The following CSMD3 variants were observed in gnomAD, a reference collection of about 807,000 sequenced individuals.
CSMD3 encodes the protein CUB and Sushi multiple domains 3.
Under a neutral mutation model 435.2 loss-of-function variants are expected in CSMD3, and 177 were observed. The observed-to-expected ratio is 0.41, with a 90% CI of 0.36 to 0.46. The LOEUF is 0.46. Ranked by LOEUF, CSMD3 falls within the 20% of genes least tolerant of loss-of-function variation. The pLI is 0.34. For missense variants in CSMD3, 4,265 were observed against 4,504.6 expected, an observed-to-expected ratio of 0.95 and a Z score of 1.52; for synonymous variants, 1,656 against 1,520.5, an observed-to-expected ratio of 1.09 and a Z score of -2.07.
At chr8:112,609,501 A>C (rs903244102) in intron 22 of CSMD3, among the ~76,000 whole-genome samples, 3 of 152,108 alleles carry the variant, frequency 2.0e-5, no homozygotes, top group Non-Finnish European at 2.9e-5. Flanking sequence ...TATTGTAATA[A>C]AGAAAAAAGA....
intron 32 of CSMD3, 84 bp from the exon 33 acceptor site, chr8:112,409,116 G>C: frequency 1.3e-6 from 2 of 1,594,970 alleles, no homozygotes; most frequent in East Asian, 2.3e-5. Flanking sequence ...GAAAGAGGAG[G>C]AGAGAGAGAA....
chr8:112,405,250 T>TATATATATACAC, intron 35 of CSMD3, among the ~76,000 whole-genome samples: 1 of 109,934 alleles, frequency 9.1e-6, no homozygotes, highest in Non-Finnish European at 1.8e-5. Flanking sequence ...TATATATACA[T>TATATATATACAC]ATATATATAC....
intron 27 of CSMD3, among the ~76,000 whole-genome samples, chr8:112,542,706 G>GA (rs528491548): frequency 4.0e-5 from 6 of 151,128 alleles, no homozygotes; most frequent in Non-Finnish European, 7.4e-5. Context: ...ATTGTAAATA[G>GA]AAAAAAAAAT....
chr8:113,041,557 T>C (rs2087617003), intron 5 of CSMD3, among the ~76,000 whole-genome samples: 1 of 152,230 alleles, frequency 6.6e-6, no homozygotes, highest in Non-Finnish European at 1.5e-5. Context: ...TCACCATCAG[T>C]TCCAATCTAA....
chr8:113,195,558 T>G (rs2092641892), intron 3 of CSMD3, among the ~76,000 whole-genome samples: 1 of 150,656 alleles, frequency 6.6e-6, no homozygotes, highest in Non-Finnish European at 1.5e-5. Flanking sequence ...GCTCTGTATT[T>G]TTATTTGCTA....
chr8:112,585,469 T>C (rs1188014643), intron 23 of CSMD3, among the ~76,000 whole-genome samples: 1 of 151,438 alleles, frequency 6.6e-6, no homozygotes, highest in African/African-American at 2.4e-5. Flanking sequence ...TTGTCACTTA[T>C]GACTGAAGCT....
At chr8:113,410,988 AAAAGAAAG>A (rs376528952) in intron 1 of CSMD3, among the ~76,000 whole-genome samples, 1 of 150,550 alleles carries the variant, frequency 6.6e-6, no homozygotes, top group African/African-American at 2.4e-5. Flanking sequence ...GGAAGGAAGG[AAAAGAAAG>A]AAAGAAAGAA....
chr8:112,403,843 A>G (rs1327162050), intron 35 of CSMD3, among the ~76,000 whole-genome samples: 2 of 152,166 alleles, frequency 1.3e-5, no homozygotes, highest in Non-Finnish European at 1.5e-5. Flanking sequence ...AATTATAAAT[A>G]TCAGAAATCA....
intron 4 of CSMD3, among the ~76,000 whole-genome samples, chr8:113,115,652 C>A (rs2090800787): frequency 6.6e-6 from 1 of 152,144 alleles, no homozygotes; most frequent in Non-Finnish European, 1.5e-5. Flanking sequence ...CACTGTTTGA[C>A]AGTGGTACGT....
In CSMD3 at chr8:112,271,120, T is replaced by G. The variant is rs575633300; in HGVS notation, c.9509-5530A>C. On this transcript the variant is annotated intron_variant, in intron 59 of 70. Transcript: ENST00000297405. The stretch of plus-strand genomic sequence containing the variant: ...GTACAAGATTCAACGAGCACTCTTG[T>G]TCACTTGCTTTGACTCATCACATTA... 1.1e-3 allele frequency among the ~76,000 whole-genome samples: 174 copies of G among 152,272 alleles called. 1 individual carries two copies. The highest frequency in any genetic ancestry group is 4.3e-3 in the Admixed American group (66 of 15,296).
intron 12 of CSMD3, among the ~76,000 whole-genome samples, chr8:112,829,224 A>G (rs570074577): frequency 2.0e-5 from 3 of 152,144 alleles, no homozygotes; most frequent in Non-Finnish European, 4.4e-5. Flanking sequence ...AGATTGATAA[A>G]TTCACATCCT....
At chr8:113,035,131 C>T (rs1338683175) in intron 5 of CSMD3, among the ~76,000 whole-genome samples, 1 of 151,644 alleles carries the variant, frequency 6.6e-6, no homozygotes, top group Non-Finnish European at 1.5e-5. Context: ...GAGCTCAAAG[C>T]AATGAAATTG....
At chr8:112,993,580 A>G (rs1261004434) in intron 6 of CSMD3, among the ~76,000 whole-genome samples, 1 of 151,884 alleles carries the variant, frequency 6.6e-6, no homozygotes, top group Non-Finnish European at 1.5e-5. Flanking sequence ...ATAAAGATAA[A>G]AATCATATAA....
At chr8:112,639,152 A>T (rs1260661359) in intron 20 of CSMD3, among the ~76,000 whole-genome samples, 1 of 152,056 alleles carries the variant, frequency 6.6e-6, no homozygotes, top group Non-Finnish European at 1.5e-5. Context: ...ATACAATTTA[A>T]AAATCAGTGC....
chr8:112,700,882 A>G (rs546156400), intron 13 of CSMD3, among the ~76,000 whole-genome samples: 1 of 152,288 alleles, frequency 6.6e-6, no homozygotes, highest in East Asian at 1.9e-4. Flanking sequence ...AGAGATGGGA[A>G]GGAGACCAGT....
intron 1 of CSMD3, among the ~76,000 whole-genome samples, chr8:113,339,926 A>G (rs1391016465): frequency 1.3e-5 from 2 of 152,054 alleles, no homozygotes; most frequent in African/African-American, 4.8e-5. Flanking sequence ...AGATTCATTC[A>G]GCTATTTGTA....
intron 10 of CSMD3, among the ~76,000 whole-genome samples, chr8:112,886,745 C>A (rs2081609199): frequency 6.6e-6 from 1 of 151,456 alleles, no homozygotes; most frequent in Admixed American, 6.6e-5. Flanking sequence ...TGAGGATGCT[C>A]AAGTTCCTTA....
rs546923727 is a variant in CSMD3, at chr8:112,864,412, T to C, written c.1634-5146A>G. On this transcript the variant is annotated intron_variant, in intron 10 of 70. Coordinates refer to ENST00000297405, the MANE Select transcript of CSMD3 (RefSeq NM_198123.2). ...TACAGGTGCCCGCCACCATGCCCGGTTCATTTTTTTGTACTTTTAGTAGAG... is the reference window on the plus strand; with the variant it reads ...TACAGGTGCCCGCCACCATGCCCGGCTCATTTTTTTGTACTTTTAGTAGAG... Among the ~76,000 whole-genome samples, 91 of 151,888 alleles carry C rather than the reference T, an allele frequency of 6.0e-4. 1 individual carries two copies. The South Asian group carries it at 0.018, about 30-fold the overall frequency.
chr8:112,723,037 G>C (rs912661400), intron 13 of CSMD3, among the ~76,000 whole-genome samples: 4 of 146,796 alleles, frequency 2.7e-5, no homozygotes, highest in African/African-American at 1.0e-4. Context: ...TTGACAAGTA[G>C]CAAAAAAAAA....
Sources: gnomAD v4.1 joint callset for allele counts (sites outside exome capture counted in the v4.1 genomes callset) on GRCh38, gnomAD v4.1.1 for gene constraint, MANE v1.5 for transcripts, NCBI Gene and HGNC (gene_info 2026-07-23, HGNC 2026-07-21) for gene names.